Variants in FOXP2 observed in about 807,000 individuals in gnomAD.
The protein encoded by FOXP2 is forkhead box protein P2.
FOXP2 carries 12 observed loss-of-function variants against 115.8 expected under a neutral mutation model. That is an observed-to-expected ratio of 0.10 (90% CI 0.07 to 0.17). FOXP2 has a LOEUF of 0.17. FOXP2 is among the 10% of genes least tolerant of loss of function. The pLI is 1.00. For synonymous variants in FOXP2, 328 were observed against 297.7 expected, an observed-to-expected ratio of 1.10 and a Z score of -1.05; for missense variants, 629 against 843.5, an observed-to-expected ratio of 0.75 and a Z score of 3.15.
chr7:114,435,546 G>C (rs752125085), intron 2 of FOXP2, among the ~76,000 whole-genome samples: 1 of 152,054 alleles, frequency 6.6e-6, no homozygotes, highest in South Asian at 2.1e-4. Flanking sequence ...TTTGTTGTTT[G>C]TTTGTTTTGA....
At chr7:114,108,489 A>G (rs141110152) in intron 1 of FOXP2, among the ~76,000 whole-genome samples, 376 of 151,928 alleles carry the variant, frequency 2.5e-3, no homozygotes, top group African/African-American at 8.6e-3. Flanking sequence ...TTTGTATTCA[A>G]ATCTAATAGA....
At chr7:114,222,944 A>G (rs140864896) in intron 1 of FOXP2, among the ~76,000 whole-genome samples, 1 of 152,224 alleles carries the variant, frequency 6.6e-6, no homozygotes. Flanking sequence ...CAATGCATTC[A>G]TTCAGGTTTA....
At chr7:114,305,387 C>A (rs1007976395) in intron 2 of FOXP2, among the ~76,000 whole-genome samples, 13 of 152,224 alleles carry the variant, frequency 8.5e-5, no homozygotes, top group African/African-American at 3.1e-4. Flanking sequence ...TCGAGTATTA[C>A]ATCTCCTTTA....
At position 114,642,779 on chromosome 7, in the gene FOXP2, A is replaced by AATATATATATATAT. The variant is rs869055954; in HGVS notation, c.989+177_989+190dup. ...AGATTATTTATCTTATTTTATATATAATATATATATATATATATATATATA... is the reference window on the plus strand; with the variant it reads ...AGATTATTTATCTTATTTTATATATAATATATATATATATATATATATATATATATATATATATA... On this transcript the variant is annotated intron_variant, in intron 7 of 16. Transcript: ENST00000350908. Among the ~76,000 whole-genome samples the AATATATATATATAT allele has an allele frequency of 3.0e-4, 27 of 91,152 alleles. No homozygotes were observed. In the East Asian group the frequency reaches 7.9e-3, roughly 27 times the overall value. 59.8% of individuals were successfully genotyped at this position (91,152 alleles called of 152,430 possible). A position where few individuals can be genotyped will look rare whatever the true frequency, so the allele number is the denominator to read the frequency against.
At position 114,143,266 on chromosome 7, in the gene FOXP2, T is replaced by G. The variant is rs1792276148; in HGVS notation, c.-246-19678T>G. 3.9e-5 allele frequency among the ~76,000 whole-genome samples: 6 copies of G among 151,952 alleles called. No homozygotes were observed. The South Asian group carries it at 1.2e-3, about 31-fold the overall frequency. ...ATCATTTAGAAGCTTTTTACCATTT[T>G]GAAATATACATTTTAGTACTACTGT... On this transcript the variant is annotated intron_variant, in intron 1 of 19. Coordinates refer to the FOXP2 transcript ENST00000635638.
chr7:114,375,506 T>G (rs1792117633), intron 2 of FOXP2, among the ~76,000 whole-genome samples: 2 of 152,210 alleles, frequency 1.3e-5, no homozygotes, highest in South Asian at 2.1e-4. Flanking sequence ...GTATGGTGGT[T>G]GTTTTAGTTA....
intron 2 of FOXP2, among the ~76,000 whole-genome samples, chr7:114,472,509 C>T (rs1341339444): frequency 6.6e-6 from 1 of 151,940 alleles, no homozygotes; most frequent in Admixed American, 6.6e-5. Flanking sequence ...CCACACTTGG[C>T]TAATTTTTTT....
At chr7:114,447,363 A>T (rs1289187440) in intron 2 of FOXP2, among the ~76,000 whole-genome samples, 4 of 152,020 alleles carry the variant, frequency 2.6e-5, no homozygotes, top group Non-Finnish European at 5.9e-5. Context: ...CCCAGAAGAT[A>T]CTTCGCACCC....
intron 3 of FOXP2, among the ~76,000 whole-genome samples, chr7:114,596,513 A>G (rs1802719906): frequency 6.6e-6 from 1 of 152,156 alleles, no homozygotes; most frequent in Non-Finnish European, 1.5e-5. Flanking sequence ...CAAGCAAGCC[A>G]TTATGTATCT....
Position 114,394,250 on chromosome 7 carries a change from A to C in FOXP2, c.-10-32252A>C, listed in dbSNP as rs200122599. Among the ~76,000 whole-genome samples, 17 of 152,162 alleles carry C rather than the reference A, an allele frequency of 1.1e-4. No individual in the cohort carries two copies. The East Asian group carries it at 2.3e-3, about 21-fold the overall frequency. On this transcript the variant is annotated intron_variant, in intron 2 of 17. Transcript: ENST00000634411. ...GGAATGATGGGAATATGCTAAAAGA[A>C]CATAGAAACCAACTTGAAGAGGCTC...
chr7:114,529,971 T>C (rs1321299292), intron 2 of FOXP2, among the ~76,000 whole-genome samples: 1 of 151,924 alleles, frequency 6.6e-6, no homozygotes, highest in Non-Finnish European at 1.5e-5. Context: ...AAACTTATTT[T>C]ATGTTTCGTA....
At chr7:114,568,889 G>A (rs1801152456) in intron 3 of FOXP2, among the ~76,000 whole-genome samples, 1 of 151,766 alleles carries the variant, frequency 6.6e-6, no homozygotes, top group South Asian at 2.1e-4. Context: ...CTTCTGACCT[G>A]ACTGGGATGA....
At chr7:114,123,501 A>G (rs1562971352) in intron 1 of FOXP2, among the ~76,000 whole-genome samples, 1 of 152,124 alleles carries the variant, frequency 6.6e-6, no homozygotes, top group Non-Finnish European at 1.5e-5. Context: ...AAGTACCAAT[A>G]TGGAAAAGGC....
intron 1 of FOXP2, among the ~76,000 whole-genome samples, chr7:114,195,383 T>A (rs1037992232): frequency 6.6e-6 from 1 of 152,138 alleles, no homozygotes; most frequent in Non-Finnish European, 1.5e-5. Flanking sequence ...TCAAGATTAG[T>A]TTTACTTACA....
chr7:114,558,863 T>C (rs1800602453), intron 3 of FOXP2, among the ~76,000 whole-genome samples: 1 of 152,198 alleles, frequency 6.6e-6, no homozygotes, highest in Admixed American at 6.5e-5. Context: ...TGGCTCCTAC[T>C]TGACTTTGCA....
chr7:114,149,992 G>C (rs1419535906), intron 1 of FOXP2, among the ~76,000 whole-genome samples: 1 of 151,984 alleles, frequency 6.6e-6, no homozygotes, highest in African/African-American at 2.4e-5. Context: ...TATGAATACC[G>C]TTTAGTGTTC....
chr7:114,477,588 A>G (rs1796335503), intron 2 of FOXP2, among the ~76,000 whole-genome samples: 1 of 151,868 alleles, frequency 6.6e-6, no homozygotes, highest in African/African-American at 2.4e-5. Context: ...AAAGCTCAAC[A>G]TCATGTAATA....
chr7:114,465,973 T>A (rs909308466), intron 2 of FOXP2, among the ~76,000 whole-genome samples: 7 of 152,036 alleles, frequency 4.6e-5, no homozygotes, highest in Middle Eastern at 3.2e-3. Context: ...TTCCTGAGAG[T>A]CTTACCCACG....
At chr7:114,377,568 A>G (rs571650194) in intron 2 of FOXP2, among the ~76,000 whole-genome samples, 1 of 152,348 alleles carries the variant, frequency 6.6e-6, no homozygotes, top group African/African-American at 2.4e-5. Flanking sequence ...TATGCCAAGA[A>G]CATATCTCCA....
Sources: allele counts gnomAD v4.1 joint callset (sites outside exome capture counted in the v4.1 genomes callset), GRCh38; gene constraint gnomAD v4.1.1; transcripts MANE v1.5; gene names NCBI Gene and HGNC (gene_info 2026-07-23, HGNC 2026-07-21).